GPHN: variants seen among roughly 807,000 people sequenced by gnomAD.
GPHN encodes the protein gephyrin.
GPHN carries 17 observed loss-of-function variants against 95.5 expected under a neutral mutation model. That is an observed-to-expected ratio of 0.18 (90% CI 0.12 to 0.27). The LOEUF is 0.27. Ranked by LOEUF, GPHN falls within the 10% of genes least tolerant of loss-of-function variation. The pLI is 1.00. For synonymous variants in GPHN, 320 were observed against 322.5 expected, an observed-to-expected ratio of 0.99 and a Z score of 0.08; for missense variants, 660 against 978.1, an observed-to-expected ratio of 0.67 and a Z score of 4.34.
intron 1 of GPHN, among the ~76,000 whole-genome samples, chr14:66,658,314 G>A (rs1317808771): frequency 6.6e-6 from 1 of 152,138 alleles, no homozygotes; most frequent in Non-Finnish European, 1.5e-5. Context: ...TCCTGGTGAA[G>A]ATGCTGTGAA....
chr14:67,025,428 C>T (rs1213521354), intron 10 of GPHN, among the ~76,000 whole-genome samples: 1 of 152,100 alleles, frequency 6.6e-6, no homozygotes, highest in East Asian at 1.9e-4. Context: ...ATTGATCAAC[C>T]TATGAGAACC....
intron 1 of GPHN, among the ~76,000 whole-genome samples, chr14:66,562,698 G>A (rs1206927966): frequency 6.6e-6 from 1 of 152,054 alleles, no homozygotes; most frequent in African/African-American, 2.4e-5. Context: ...AATATACGCG[G>A]GAAATCAATG....
chr14:67,261,712 TCA>T, the GPHN span, among the ~76,000 whole-genome samples: 20 of 152,044 alleles, frequency 1.3e-4, no homozygotes, highest in Admixed American at 9.8e-4. Flanking sequence ...GTAGGAAAAT[TCA>T]CACACATATC....
intron 2 of GPHN, among the ~76,000 whole-genome samples, chr14:66,704,761 C>T (rs1416244584): frequency 3.3e-5 from 5 of 151,874 alleles, no homozygotes; most frequent in South Asian, 2.1e-4. Context: ...GAGCTAGAGA[C>T]GCAAGAGCAA....
At chr14:67,636,779 C>T in the GPHN span, among the ~76,000 whole-genome samples, 1 of 152,178 alleles carries the variant, frequency 6.6e-6, no homozygotes, top group Admixed American at 6.5e-5. Context: ...AGTGTATAAA[C>T]AGCAAGTGAA....
chr14:66,509,776 C>G (rs893776250), intron 1 of GPHN, among the ~76,000 whole-genome samples: 12 of 151,872 alleles, frequency 7.9e-5, no homozygotes, highest in Non-Finnish European at 1.5e-4. Flanking sequence ...CTTTAACTGT[C>G]AAATTCTGAC....
the GPHN span, among the ~76,000 whole-genome samples, chr14:67,367,240 C>T: frequency 2.0e-5 from 3 of 152,108 alleles, no homozygotes; most frequent in African/African-American, 4.8e-5. Flanking sequence ...TCTATATTCT[C>T]TTTTTTTGGG....
chr14:66,573,932 G>C (rs902928618), intron 1 of GPHN, among the ~76,000 whole-genome samples: 2 of 152,016 alleles, frequency 1.3e-5, no homozygotes. Flanking sequence ...GCATGTAGTT[G>C]AGTCTTGTTT....
the GPHN span, among the ~76,000 whole-genome samples, chr14:67,439,533 G>GTCTC: frequency 3.1e-5 from 3 of 96,062 alleles, no homozygotes. Flanking sequence ...AAATTCAATA[G>GTCTC]TTTCTTTCTT....
chr14:67,656,925 G>A, the GPHN span, among the ~76,000 whole-genome samples: 2 of 152,162 alleles, frequency 1.3e-5, no homozygotes, highest in African/African-American at 4.8e-5. Context: ...ACTTCTGAAA[G>A]GTGGCAGCCC....
Position 66,890,261 on chromosome 14 carries a change from A to T in GPHN, c.389+10228A>T, listed in dbSNP as rs540395322. On this transcript the variant is annotated intron_variant, in intron 5 of 22. Transcript: ENST00000478722. ...ATCTCTACTAAAAATTCAAAAAATT[A>T]GCCAGGTGTAGTGGCACACACCTGT... 2.0e-5 allele frequency among the ~76,000 whole-genome samples: 3 copies of T among 152,210 alleles called. No individual in the cohort carries two copies. In the East Asian group the frequency reaches 5.8e-4, roughly 29 times the overall value.
chr14:67,114,946 G>A (rs553445865), intron 16 of GPHN, among the ~76,000 whole-genome samples: 4 of 152,282 alleles, frequency 2.6e-5, no homozygotes, highest in African/African-American at 9.6e-5. Flanking sequence ...CTAGGGAAGA[G>A]TTTGTAGTCT....
At chr14:67,493,488 G>C in the GPHN span, among the ~76,000 whole-genome samples, 1 of 152,178 alleles carries the variant, frequency 6.6e-6, no homozygotes, top group Non-Finnish European at 1.5e-5. Flanking sequence ...TCTCGTGATC[G>C]TAACTGACAC....
chr14:67,347,480 T>G, the GPHN span: 1 of 1,561,962 alleles, frequency 6.4e-7, no homozygotes, highest in Non-Finnish European at 8.7e-7. Flanking sequence ...CATACATGGA[T>G]TCATAAACCT....
At chr14:67,479,378 T>C in the GPHN span, among the ~76,000 whole-genome samples, 4 of 144,924 alleles carry the variant, frequency 2.8e-5, no homozygotes, top group Non-Finnish European at 5.9e-5. Context: ...ACCACTGCAC[T>C]CCAGCCTGGG....
intron 11 of GPHN, among the ~76,000 whole-genome samples, chr14:67,088,047 C>A (rs1446036952): frequency 6.6e-6 from 1 of 152,132 alleles, no homozygotes; most frequent in Non-Finnish European, 1.5e-5. Context: ...TGAATACTTA[C>A]TTCACACAAA....
chr14:67,590,135 T>C, the GPHN span: 9 of 1,551,086 alleles, frequency 5.8e-6, no homozygotes, highest in East Asian at 2.0e-4. Flanking sequence ...GCAGCTCCTG[T>C]ATACTTCAAT....
chr14:66,654,437 T>C (rs567499001), intron 1 of GPHN, among the ~76,000 whole-genome samples: 1 of 152,334 alleles, frequency 6.6e-6, no homozygotes, highest in Non-Finnish European at 1.5e-5. Flanking sequence ...CCTAAGATGT[T>C]GAATGTATTT....
intron 2 of GPHN, among the ~76,000 whole-genome samples, chr14:66,761,267 T>C (rs1321812849): frequency 7.9e-5 from 12 of 152,272 alleles, no homozygotes; most frequent in Admixed American, 7.8e-4. Context: ...AGAAGTGAAT[T>C]GTGGATGTAA....
Sources: allele counts gnomAD v4.1 joint callset (sites outside exome capture counted in the v4.1 genomes callset), GRCh38; gene constraint gnomAD v4.1.1; transcripts MANE v1.5; gene names NCBI Gene and HGNC (gene_info 2026-07-23, HGNC 2026-07-21).